Variants in ARK2C observed in about 807,000 individuals in gnomAD.
The protein encoded by ARK2C is arkadia (RNF111) C-terminal like ring finger ubiquitin ligase 2C.
At chr18:46,419,267 G>C in the ARK2C span, among the ~76,000 whole-genome samples, 2 of 152,138 alleles carry the variant, frequency 1.3e-5, no homozygotes, top group African/African-American at 4.8e-5. Context: ...TTGGGAATAT[G>C]TCCAGTTCAA....
At chr18:46,359,015 T>C in the ARK2C span, among the ~76,000 whole-genome samples, 10 of 152,214 alleles carry the variant, frequency 6.6e-5, no homozygotes, top group Non-Finnish European at 1.5e-4. Flanking sequence ...GTCCTGACAC[T>C]GAGCAGACAC....
the ARK2C span, among the ~76,000 whole-genome samples, chr18:46,382,309 T>A: frequency 1.3e-5 from 2 of 152,178 alleles, no homozygotes; most frequent in African/African-American, 2.4e-5. Flanking sequence ...GCCTGGCCCA[T>A]GCTGTCAGAC....
chr18:46,422,160 G>A, the ARK2C span, among the ~76,000 whole-genome samples: 5 of 152,284 alleles, frequency 3.3e-5, no homozygotes, highest in African/African-American at 4.8e-5. Flanking sequence ...GCCCACTTTC[G>A]TTTTCTTCAT....
chr18:46,404,184 G>A, the ARK2C span, among the ~76,000 whole-genome samples: 20,123 of 152,106 alleles, frequency 0.13, 1,406 homozygotes, highest in Non-Finnish European at 0.16. Flanking sequence ...TTGATTTCTC[G>A]AAAACTGCTC....
chr18:46,445,902 C>CT, the ARK2C span, among the ~76,000 whole-genome samples: 1,786 of 149,066 alleles, frequency 0.012, 34 homozygotes, highest in African/African-American at 0.041. Context: ...TCTCCATATC[C>CT]TTTTTTTTTT....
At chr18:46,343,715 A>G in the ARK2C span, among the ~76,000 whole-genome samples, 2 of 152,200 alleles carry the variant, frequency 1.3e-5, no homozygotes, top group African/African-American at 4.8e-5. Flanking sequence ...AAGAGCTTCT[A>G]TTCCTATCAC....
the ARK2C span, among the ~76,000 whole-genome samples, chr18:46,441,842 A>C: frequency 8.8e-6 from 1 of 113,318 alleles, no homozygotes; most frequent in African/African-American, 3.6e-5. Flanking sequence ...AGCCTGGGCG[A>C]AAGAGCGAGA....
the ARK2C span, among the ~76,000 whole-genome samples, chr18:46,351,426 C>A: frequency 6.6e-6 from 1 of 152,256 alleles, no homozygotes; most frequent in South Asian, 2.1e-4. Flanking sequence ...CAAGAGCTGG[C>A]AAATAATAGA....
the ARK2C span, among the ~76,000 whole-genome samples, chr18:46,415,474 C>T: frequency 2.1e-4 from 32 of 151,324 alleles, no homozygotes; most frequent in East Asian, 3.1e-3. Flanking sequence ...TGCAGTGAGC[C>T]GAGATCGTGC....
chr18:46,345,225 T>C, the ARK2C span, among the ~76,000 whole-genome samples: 2 of 152,142 alleles, frequency 1.3e-5, no homozygotes, highest in Non-Finnish European at 2.9e-5. Flanking sequence ...CCAGCCCTCT[T>C]CCTGCCAGGA....
chr18:46,391,448 G>A, the ARK2C span, among the ~76,000 whole-genome samples: 1 of 152,106 alleles, frequency 6.6e-6, no homozygotes, highest in African/African-American at 2.4e-5. Context: ...AGGACACTAC[G>A]GTTGTGGTTG....
the ARK2C span, among the ~76,000 whole-genome samples, chr18:46,396,384 G>A: frequency 6.6e-6 from 1 of 152,112 alleles, no homozygotes; most frequent in Non-Finnish European, 1.5e-5. Flanking sequence ...GAAGTGAAGC[G>A]TTAGTGGGTT....
chr18:46,346,216 C>T, the ARK2C span, among the ~76,000 whole-genome samples: 16 of 152,070 alleles, frequency 1.1e-4, no homozygotes, highest in South Asian at 4.1e-4. Flanking sequence ...GGCCAGGAGA[C>T]GGAGAGAACC....
the ARK2C span, among the ~76,000 whole-genome samples, chr18:46,357,377 G>A: frequency 1.3e-5 from 2 of 152,334 alleles, no homozygotes; most frequent in African/African-American, 2.4e-5. Context: ...GGAGGTAACT[G>A]AGAGTAAGCA....
chr18:46,447,689 G>A, the ARK2C span: 1 of 1,614,130 alleles, frequency 6.2e-7, no homozygotes, highest in Non-Finnish European at 8.5e-7. Context: ...CCTCCACACA[G>A]ATGGTAAGTG....
At chr18:46,441,982 G>T in the ARK2C span, among the ~76,000 whole-genome samples, 1 of 151,010 alleles carries the variant, frequency 6.6e-6, no homozygotes, top group East Asian at 2.0e-4. Context: ...GGCTGACACG[G>T]TGAAACCCCG....
At chr18:46,341,411 G>T in the ARK2C span, among the ~76,000 whole-genome samples, 2 of 152,072 alleles carry the variant, frequency 1.3e-5, no homozygotes, top group Admixed American at 6.5e-5. Context: ...TTGAGTCTAT[G>T]TGGAAGGGGC....
chr18:46,444,531 C>T, the ARK2C span, among the ~76,000 whole-genome samples: 605 of 152,192 alleles, frequency 4.0e-3, 5 homozygotes, highest in African/African-American at 0.013. Flanking sequence ...GTGGTGGCAT[C>T]ACAGCTCATT....
At chr18:46,373,331 C>T in the ARK2C span, among the ~76,000 whole-genome samples, 1 of 152,260 alleles carries the variant, frequency 6.6e-6, no homozygotes, top group Admixed American at 6.5e-5. Context: ...AGATTCCATT[C>T]CTGCCCTTCA....
Sources: allele counts gnomAD v4.1 joint callset (sites outside exome capture counted in the v4.1 genomes callset), GRCh38; gene constraint gnomAD v4.1.1; transcripts MANE v1.5; gene names NCBI Gene and HGNC (gene_info 2026-07-23, HGNC 2026-07-21).